Variants in ANOS1 observed in about 807,000 individuals in gnomAD.
The protein encoded by ANOS1 is anosmin 1.
A neutral mutation model predicts 59.0 loss-of-function variants in ANOS1; 6 were observed. The observed-to-expected ratio is 0.10, with a 90% CI of 0.06 to 0.20. The LOEUF is 0.20. ANOS1 is among the 10% of genes least tolerant of loss of function. ANOS1 has a pLI of 1.00. For synonymous variants in ANOS1, 217 were observed against 223.4 expected, an observed-to-expected ratio of 0.97 and a Z score of 0.25; for missense variants, 433 against 542.3, an observed-to-expected ratio of 0.80 and a Z score of 2.00.
At chrX:8,692,664 T>C (rs1932625102) in intron 2 of ANOS1, among the ~76,000 whole-genome samples, 1 of 111,470 alleles carries the variant, frequency 9.0e-6, no homozygotes, top group Non-Finnish European at 1.9e-5. Context: ...GAAAGGAACA[T>C]GCTCATCTCT....
At chrX:8,731,584 T>A (rs1047273932) in intron 1 of ANOS1, among the ~76,000 whole-genome samples, 3 of 112,540 alleles carry the variant, frequency 2.7e-5, no homozygotes, top group African/African-American at 9.7e-5. Flanking sequence ...CGCCTTTGGT[T>A]TCCTGCTGGG....
chrX:8,699,972 A>C (rs1932738596), intron 1 of ANOS1, among the ~76,000 whole-genome samples: 1 of 112,256 alleles, frequency 8.9e-6, no homozygotes, highest in African/African-American at 3.2e-5. Context: ...AAAATACTAA[A>C]GATTCTAAGC....
rs1338800400 is a variant in ANOS1 at position 8,536,837 on chromosome X, T to C, written c.1555A>G (p.Thr519Ala). 8.3e-7 allele frequency: 1 copy of C among 1,207,043 alleles called. No individual in the cohort carries two copies. The highest frequency in any genetic ancestry group is 1.1e-6 in the Non-Finnish European group (1 of 893,041). The part of the protein sequence containing the change: ...SHSKAEAVFF[T>A]TPPCSALKGK... Reference sequence around the variant, plus strand: ...TTAAGAGCAGAGCATGGTGGAGTAGTGAAGAAAACAGCTTCTGCCTTGGAG... The same window carrying C: ...TTAAGAGCAGAGCATGGTGGAGTAGCGAAGAAAACAGCTTCTGCCTTGGAG... Residue 519 changes from threonine to alanine, a missense_variant, in exon 11 of 14, where the codon ACT becomes GCT. Transcript: ENST00000262648.
chrX:8,669,673 A>G (rs1188877630), intron 2 of ANOS1, among the ~76,000 whole-genome samples: 1 of 111,970 alleles, frequency 8.9e-6, no homozygotes, highest in Non-Finnish European at 1.9e-5. Flanking sequence ...AATGTGTACT[A>G]TTATGTATGT....
At chrX:8,722,243 T>C (rs1932879694) in intron 1 of ANOS1, among the ~76,000 whole-genome samples, 1 of 111,275 alleles carries the variant, frequency 9.0e-6, no homozygotes, top group Non-Finnish European at 1.9e-5. Flanking sequence ...GAGCAGGTGG[T>C]ATTTGGTTAC....
At chrX:8,706,269 C>A (rs763922033) in intron 1 of ANOS1, among the ~76,000 whole-genome samples, 1 of 112,137 alleles carries the variant, frequency 8.9e-6, no homozygotes, top group African/African-American at 3.2e-5. Flanking sequence ...ACTAGTCAGT[C>A]TACAATTTCC....
rs2098551294 is a variant in ANOS1 at position 8,529,327 on chromosome X, T to A, written c.*3668A>T. ...TCACAGGTAAGAGTCAACATCTTTA[T>A]ATATCTGTTTATATTTTATAATAAA... is the stretch of plus-strand genomic sequence containing the variant. On this transcript the variant is annotated 3_prime_UTR_variant, in exon 14 of 14. Transcript: ENST00000262648. 8.9e-6 allele frequency: 1 copy of A among 112,063 alleles called. No homozygotes were observed. Among genetic ancestry groups the A allele is most frequent in the Admixed American group, 9.5e-5 (1 of 10,547 alleles). The allele number at this position is 112,063 out of a possible 1,213,427, so 9.2% of individuals were successfully genotyped here.
intron 8 of ANOS1, among the ~76,000 whole-genome samples, chrX:8,567,515 A>G (rs1304791067): frequency 1.8e-5 from 2 of 112,315 alleles, no homozygotes; most frequent in Admixed American, 9.5e-5. Flanking sequence ...AGTGTATTGT[A>G]TACAGAACTA....
chrX:8,640,075 T>TG (rs1931634531), intron 2 of ANOS1, among the ~76,000 whole-genome samples: 1 of 110,965 alleles, frequency 9.0e-6, no homozygotes, highest in South Asian at 3.9e-4. Flanking sequence ...TGTTACTTTG[T>TG]GTTTTTTCTC....
At chrX:8,537,036 G>T in intron 10 of ANOS1, 94 bp from the exon 11 acceptor site, 1 of 780,172 alleles carries the variant, frequency 1.3e-6, no homozygotes, top group East Asian at 3.3e-5. Flanking sequence ...ATCCAACAAG[G>T]ATGTTTTCCT....
chrX:8,609,278 T>G (rs1485575042), intron 3 of ANOS1, among the ~76,000 whole-genome samples: 2 of 111,863 alleles, frequency 1.8e-5, no homozygotes, highest in South Asian at 3.8e-4. Context: ...CTATCAACTC[T>G]GATTTACAAC....
At chrX:8,622,167 C>T in intron 3 of ANOS1, among the ~76,000 whole-genome samples, 1 of 111,166 alleles carries the variant, frequency 9.0e-6, no homozygotes, top group South Asian at 3.9e-4. Flanking sequence ...AAAGAGGGAT[C>T]AAAATCAAGG....
chrX:8,674,669 C>T (rs1021868184), intron 2 of ANOS1, among the ~76,000 whole-genome samples: 2 of 112,540 alleles, frequency 1.8e-5, no homozygotes, highest in African/African-American at 3.2e-5. Flanking sequence ...CATTCAAAGC[C>T]GTCCTGGGCC....
At chrX:8,541,444 A>AC (rs755371650) in intron 9 of ANOS1, among the ~76,000 whole-genome samples, 1 of 95,745 alleles carries the variant, frequency 1.0e-5, no homozygotes, top group Non-Finnish European at 2.2e-5. Context: ...AAAAAAATAA[A>AC]ACAAAAAAAA....
intron 6 of ANOS1, among the ~76,000 whole-genome samples, chrX:8,578,919 A>G (rs1434275920): frequency 8.9e-6 from 1 of 112,182 alleles, no homozygotes; most frequent in Non-Finnish European, 1.9e-5. Context: ...TTTACTACCC[A>G]TATTGACACA....
At chrX:8,731,803 A>G in intron 1 of ANOS1, 27 bp downstream of exon 1, 1 of 1,173,823 alleles carries the variant, frequency 8.5e-7, no homozygotes, top group Non-Finnish European at 1.1e-6. Context: ...AGCCCCAGAA[A>G]GAACCCGGGC....
chrX:8,566,308 C>A (rs943174194), intron 8 of ANOS1: 1 of 707,456 alleles, frequency 1.4e-6, no homozygotes, highest in African/African-American at 2.4e-5. Context: ...AATACATCAT[C>A]GTGCTAGGAA....
intron 3 of ANOS1, among the ~76,000 whole-genome samples, chrX:8,608,138 T>C (rs1930975798): frequency 8.9e-6 from 1 of 111,998 alleles, no homozygotes; most frequent in Non-Finnish European, 1.9e-5. Flanking sequence ...AGTGTCACTT[T>C]CTTCAAAATA....
rs188432292 is a variant in ANOS1, at chrX:8,530,658, T to C, written c.*2337A>G. ...TCAGAATCACCATCTGAACTAAAAA[T>C]ATCTGTCCAATGTCTATTACCCAGA... On this transcript the variant is annotated 3_prime_UTR_variant, in exon 14 of 14. Transcript: ENST00000262648. 5 of 110,246 alleles carry C rather than the reference T, an allele frequency of 4.5e-5. No homozygotes were observed. Among genetic ancestry groups the C allele is most frequent in the African/African-American group, 1.6e-4 (5 of 30,560 alleles). The allele number at this position is 110,246 out of a possible 1,213,427, so 9.1% of individuals were successfully genotyped here.
Sources: gnomAD v4.1 joint callset for allele counts (sites outside exome capture counted in the v4.1 genomes callset) on GRCh38, gnomAD v4.1.1 for gene constraint, MANE v1.5 for transcripts, NCBI Gene and HGNC (gene_info 2026-07-23, HGNC 2026-07-21) for gene names.